Variants in ARHGEF19 observed in about 807,000 individuals in gnomAD.
ARHGEF19 encodes the protein Rho guanine nucleotide exchange factor 19, also known as Rho guanine nucleotide exchange factor (GEF) 19.
A neutral mutation model predicts 87.6 loss-of-function variants in ARHGEF19; 92 were observed. The ratio of observed to expected loss-of-function variants is 1.05; its 90% CI spans 0.89 to 1.25. ARHGEF19 has a LOEUF of 1.25. Ranked by LOEUF, ARHGEF19 falls within the 50% of genes most tolerant of loss-of-function variation. The pLI is 0.00. For missense variants in ARHGEF19, 1,054 were observed against 1,051.8 expected (o/e 1.00, Z -0.03); for synonymous variants, 438 against 446.2 (o/e 0.98, Z 0.23).
Position 16,207,415 on chromosome 1 carries a change from T to TTC in ARHGEF19, c.874+105_874+106dup. On this transcript the variant is annotated intron_variant, in intron 5 of 15. Coordinates refer to ENST00000270747, the MANE Select transcript of ARHGEF19 (RefSeq NM_153213.5). This position sits in a 1 kb window ranked among gnomAD's most constrained non-coding sequence, Gnocchi z 4.0. ...AGATACCGACAGTTCCATTCTCCGT[T>TTC]TCTCACTCGATCCCTACCTCTCAAC... is the stretch of plus-strand genomic sequence containing the variant. 6.9e-7 allele frequency: 1 copy of TTC among 1,448,822 alleles called. No individual in the cohort carries two copies. The highest frequency in any genetic ancestry group is 1.3e-5 in the South Asian group (1 of 78,192). The allele number at this position is 1,448,822 out of a possible 1,614,324, so 89.7% of individuals were successfully genotyped here. A position where few individuals can be genotyped will look rare whatever the true frequency, so the allele number is the denominator to read the frequency against.
Position 16,205,696 on chromosome 1 carries a change from CAGGT to C in ARHGEF19, c.1452-33_1452-30del, listed in dbSNP as rs2081124990. ...GAAAATGGGGAGGACTCTGGAATCACAGGTAGGCCTGAATTCCTGGGATCCACAA... is the reference window on the plus strand; with the variant it reads ...GAAAATGGGGAGGACTCTGGAATCACAGGCCTGAATTCCTGGGATCCACAA... On this transcript the variant is annotated intron_variant, in intron 8 of 15. Coordinates refer to ENST00000270747, the MANE Select transcript of ARHGEF19 (RefSeq NM_153213.5). This position sits in a 1 kb window ranked among gnomAD's most constrained non-coding sequence, Gnocchi z 5.8. 1.3e-6 allele frequency: 2 copies of C among 1,582,984 alleles called. No individual in the cohort carries two copies. The highest frequency in any genetic ancestry group is 1.7e-6 in the Non-Finnish European group (2 of 1,166,188).
intron 13 of ARHGEF19, 86 bp from the exon 14 acceptor site, chr1:16,201,947 G>C: frequency 7.1e-7 from 1 of 1,404,454 alleles, no homozygotes; most frequent in Non-Finnish European, 9.8e-7. Flanking sequence ...GGGGGAGCCA[G>C]ACATGATGTC....
In ARHGEF19 at chr1:16,199,130, T is replaced by A; in HGVS notation, c.2251+20A>T. ...CCACCCAAGCCCCATCAGGGACACT[T>A]TCCCAGGAGGCCCCCTCACCGTCAC... is the stretch of plus-strand genomic sequence containing the variant. On this transcript the variant is annotated intron_variant, in intron 15 of 15. Coordinates refer to ENST00000270747, the MANE Select transcript of ARHGEF19 (RefSeq NM_153213.5). The A allele has an allele frequency of 6.2e-7, 1 of 1,613,056 alleles. No individual in the cohort carries two copies. Among genetic ancestry groups the A allele is most frequent in the South Asian group, 1.1e-5 (1 of 91,058 alleles).
Position 16,207,227 on chromosome 1 carries a change from CG to C in ARHGEF19, c.875-18del. The C allele has an allele frequency of 6.7e-7, 1 of 1,484,840 alleles. No individual in the cohort carries two copies. 92.0% of individuals were successfully genotyped at this position (1,484,840 alleles called of 1,614,324 possible). A position where few individuals can be genotyped will look rare whatever the true frequency, so the allele number is the denominator to read the frequency against. On this transcript the variant is annotated intron_variant, in intron 5 of 15. Transcript: ENST00000270747. This position sits in a 1 kb window ranked among gnomAD's most constrained non-coding sequence, Gnocchi z 4.0. ...AGAGGACGGCTGGGGGAAAGACGGG[CG>C]GGGGAGAGCGTGGGGCGCCCGCCAG...
In ARHGEF19 at chr1:16,205,531, G is replaced by A. The variant is rs1403934856; in HGVS notation, c.1581+7C>T. The A allele has an allele frequency of 4.3e-6, 7 of 1,613,880 alleles. No homozygotes were observed. The South Asian group carries it at 5.5e-5, about 13-fold the overall frequency. On this transcript the variant is annotated splice_region_variant and intron_variant, in intron 9 of 15. Transcript: ENST00000270747. The surrounding 1 kb of genome is among the most constrained non-coding windows in gnomAD (Gnocchi z 5.8). ...AGCCCTCACTGTGGCCTGTCCCCTC[G>A]AGGTACCTCCACCAACATCTTGAGG...
rs1362058313 is a variant in ARHGEF19 at position 16,199,217 on chromosome 1, T to C, written c.2184A>G (p.Ala728=). 4.3e-6 allele frequency: 7 copies of C among 1,613,820 alleles called. No individual in the cohort carries two copies. The highest frequency in any genetic ancestry group is 5.1e-6 in the Non-Finnish European group (6 of 1,179,932). Residue 728 remains alanine (A), a synonymous_variant, in exon 15 of 16, where the codon GCA becomes GCG. Coordinates refer to ENST00000270747, the MANE Select transcript of ARHGEF19 (RefSeq NM_153213.5). ...PQVQCVRTYK[A]LHPDELTLEK... Reference sequence around the variant, plus strand: ...CCAAGGTCAGCTCATCTGGGTGCAGTGCCTTGTATGTCCTAACACACTGAA... The same window carrying C: ...CCAAGGTCAGCTCATCTGGGTGCAGCGCCTTGTATGTCCTAACACACTGAA...
At chr1:16,210,389 C>T (rs2081188596) in intron 1 of ARHGEF19, among the ~76,000 whole-genome samples, 1 of 152,218 alleles carries the variant, frequency 6.6e-6, no homozygotes, top group African/African-American at 2.4e-5. Context: ...GCCAAAGGGG[C>T]AGTGCCCAGC....
At chr1:16,209,551 A>G (rs2081179234) in intron 1 of ARHGEF19, among the ~76,000 whole-genome samples, 1 of 152,258 alleles carries the variant, frequency 6.6e-6, no homozygotes, top group Non-Finnish European at 1.5e-5. Context: ...TCTCCCAAGT[A>G]TAGAATGACA....
rs750130078 is a variant in ARHGEF19 at position 16,201,843 on chromosome 1, C to T, written c.2085G>A (p.Trp695Ter). Reference sequence around the variant, plus strand: ...GGCTGGAGGGGCACAAGGCTGAGATCCATCGCTGCTTCTCACTTCTAGGGA... The same window carrying T: ...GGCTGGAGGGGCACAAGGCTGAGATTCATCGCTGCTTCTCACTTCTAGGGA... ...RARTESEKQR[W>*]ISALCPSSPQ... The change falls in exon 14 of 16, where the codon TGG (tryptophan) becomes TGA (stop). Residue 695 changes from tryptophan to a stop codon, truncating the protein, a stop_gained. Transcript: ENST00000270747. LOFTEE classifies it high-confidence loss of function. The T allele has an allele frequency of 6.2e-7, 1 of 1,613,780 alleles. No homozygotes were observed. The highest frequency in any genetic ancestry group is 1.3e-5 in the African/African-American group (1 of 74,924).
rs1257365669 is a variant in ARHGEF19 at position 16,207,143 on chromosome 1, C to T, written c.942G>A (p.Glu314=). Residue 314 remains glutamate (E), a synonymous_variant, in exon 6 of 16, where the codon GAG becomes GAA. Coordinates refer to ENST00000270747, the MANE Select transcript of ARHGEF19 (RefSeq NM_153213.5). This position sits in a 1 kb window ranked among gnomAD's most constrained non-coding sequence, Gnocchi z 4.0. ...CCTCGGCCTCGTCCCCCGGGCCCTC[C>T]TCCTCGCGCTGCTGCCGCCGCAGTT... ...ARELRRQQRE[E]EGPGDEAEGA... is the part of the protein sequence containing the mutation. The T allele has an allele frequency of 2.6e-6, 4 of 1,528,492 alleles. No homozygotes were observed. Among genetic ancestry groups the T allele is most frequent in the Non-Finnish European group, 2.6e-6 (3 of 1,141,574 alleles). 94.7% of individuals were successfully genotyped at this position (1,528,492 alleles called of 1,614,324 possible).
chr1:16,202,234 C>T (rs1417430306), intron 13 of ARHGEF19, among the ~76,000 whole-genome samples, 182 bp downstream of exon 13: 1 of 152,260 alleles, frequency 6.6e-6, no homozygotes, highest in Non-Finnish European at 1.5e-5. Context: ...CTACTCTGGC[C>T]TCCAGCCCTG....
In ARHGEF19 at chr1:16,205,186, C is replaced by T. The variant is rs1469127017; in HGVS notation, c.1657-10G>A. On this transcript the variant is annotated splice_polypyrimidine_tract_variant and intron_variant, in intron 10 of 15. Transcript: ENST00000270747. The surrounding 1 kb of genome is among the most constrained non-coding windows in gnomAD (Gnocchi z 5.8). ...TGCACTCCTGCACCAGCTGGGGGAG[C>T]CGTGGGGAGGTCACCTGCAGCCCCT... 1.3e-6 allele frequency: 2 copies of T among 1,593,984 alleles called. No homozygotes were observed. The highest frequency in any genetic ancestry group is 1.7e-6 in the Non-Finnish European group (2 of 1,170,140).
At position 16,211,007 on chromosome 1, in the gene ARHGEF19, G is replaced by A. The variant is rs142922270; in HGVS notation, c.-30+1495C>T. On this transcript the variant is annotated intron_variant, in intron 1 of 15. Coordinates refer to ENST00000270747, the MANE Select transcript of ARHGEF19 (RefSeq NM_153213.5). Reference sequence around the variant, plus strand: ...CTGTCTGGGAGGGTGGGAAGAAGGGGACTGGCTGCTCCAAAGGGGTCCTCT... The same window carrying A: ...CTGTCTGGGAGGGTGGGAAGAAGGGAACTGGCTGCTCCAAAGGGGTCCTCT... 4.7e-3 allele frequency among the ~76,000 whole-genome samples: 721 copies of A among 152,238 alleles called. 5 individuals carry two copies. Among genetic ancestry groups the A allele is most frequent in the Admixed American group, 8.6e-3 (131 of 15,298 alleles).
Position 16,208,642 on chromosome 1 carries a change from C to A in ARHGEF19, c.412+1G>T. ...CACCCGCCTTCCCCAGGGTGACTCA[C>A]AGGCAGACTTCTTCTCCGAGCCGTG... On this transcript the variant is annotated splice_donor_variant, in intron 2 of 15. Transcript: ENST00000270747. LOFTEE classifies it high-confidence loss of function. 1 of 1,601,436 alleles carries A rather than the reference C, an allele frequency of 6.2e-7. No individual in the cohort carries two copies. The highest frequency in any genetic ancestry group is 2.2e-5 in the East Asian group (1 of 44,718).
chr1:16,205,559 G>A lies in ARHGEF19; in HGVS notation c.1560C>T (p.Thr520=). The A allele has an allele frequency of 6.2e-7, 1 of 1,614,006 alleles. No individual in the cohort carries two copies. The highest frequency in any genetic ancestry group is 8.5e-7 in the Non-Finnish European group (1 of 1,179,954). Reference sequence around the variant, plus strand: ...GTACCTCCACCAACATCTTGAGGCGGGTGATCCTCTGGAAGGGCAGGATAA... The same window carrying A: ...GTACCTCCACCAACATCTTGAGGCGAGTGATCCTCTGGAAGGGCAGGATAA... The part of the protein sequence containing the change: ...SFLILPFQRI[T]RLKMLVENIL... Residue 520 remains threonine, a synonymous_variant, in exon 9 of 16, where the codon ACC becomes ACT. Coordinates refer to ENST00000270747, the MANE Select transcript of ARHGEF19 (RefSeq NM_153213.5). The surrounding 1 kb of genome is among the most constrained non-coding windows in gnomAD (Gnocchi z 5.8).
intron 1 of ARHGEF19, among the ~76,000 whole-genome samples, chr1:16,211,673 G>A (rs1284792601): frequency 6.6e-6 from 1 of 152,220 alleles, no homozygotes; most frequent in Non-Finnish European, 1.5e-5. Context: ...CCATCTAGCT[G>A]GGATGCCAGC....
At chr1:16,210,045 C>T (rs762779762) in intron 1 of ARHGEF19, among the ~76,000 whole-genome samples, 1 of 152,266 alleles carries the variant, frequency 6.6e-6, no homozygotes, top group African/African-American at 2.4e-5. Flanking sequence ...GGAGCCAGCC[C>T]TCCGATCGGG....
In ARHGEF19 at chr1:16,206,475, C is replaced by G; in HGVS notation, c.1138-135G>C. On this transcript the variant is annotated intron_variant, in intron 6 of 15. Transcript: ENST00000270747. The surrounding 1 kb of genome is among the most constrained non-coding windows in gnomAD (Gnocchi z 4.6). The stretch of plus-strand genomic sequence containing the variant: ...TCTAGCCCCACTCCTAATCTGGCGC[C>G]GGGCGGGCCCGGCGACCCACGTCCC... 1.0e-6 allele frequency: 1 copy of G among 978,092 alleles called. No homozygotes were observed. Among genetic ancestry groups the G allele is most frequent in the Non-Finnish European group, 1.5e-6 (1 of 656,094 alleles). The allele number at this position is 978,092 out of a possible 1,614,324, so 60.6% of individuals were successfully genotyped here.
intron 13 of ARHGEF19, 135 bp downstream of exon 13, chr1:16,202,281 G>C (rs1248808661): frequency 2.3e-6 from 3 of 1,312,526 alleles, no homozygotes; most frequent in Non-Finnish European, 3.1e-6. Flanking sequence ...TCAGGGAAGA[G>C]TTGAGCACTT....
Sources: gnomAD v4.1 joint callset for allele counts (sites outside exome capture counted in the v4.1 genomes callset) on GRCh38, gnomAD v4.1.1 for gene constraint, Gnocchi (gnomAD v3.1) non-coding constraint, MANE v1.5 for transcripts, NCBI Gene and HGNC (gene_info 2026-07-23, HGNC 2026-07-21) for gene names.